LAMC2: variants seen among roughly 807,000 people sequenced by gnomAD.
LAMC2 encodes laminin subunit gamma 2, also known as laminin subunit gamma-2.
Under a neutral mutation model 140.2 loss-of-function variants are expected in LAMC2, and 97 were observed. The ratio of observed to expected loss-of-function variants is 0.69; its 90% CI spans 0.59 to 0.82. The LOEUF (loss-of-function observed/expected upper bound fraction) is 0.82, where lower values mean the gene tolerates loss of function less well. LAMC2 is among the 40% of genes least tolerant of loss of function. The probability of loss-of-function intolerance (pLI) is 0.00; values close to 1 mark genes in which losing one functional copy is unlikely to be tolerated. For synonymous variants in LAMC2, 513 were observed against 540.2 expected (o/e 0.95, Z 0.70); for missense variants, 1,402 against 1,476.1 (o/e 0.95, Z 0.82).
In LAMC2 at chr1:183,239,513, G is replaced by A. The variant is rs1660065662; in HGVS notation, c.3019G>A (p.Ala1007Thr). 3.1e-6 allele frequency: 5 copies of A among 1,613,270 alleles called. No homozygotes were observed. The highest frequency in any genetic ancestry group is 1.3e-5 in the African/African-American group (1 of 74,850). ...LGSAAADAQR[A>T]KNGAGEALEI... ...GAGCGCTGCTGCTGATGCACAGAGG[G>A]CAAAGAATGGGGCCGGGGAGGCCCT... The change falls in exon 20 of 23, where the codon GCA (alanine) becomes ACA (threonine). Residue 1007 changes from alanine (A) to threonine (T), a missense_variant. Around this residue, in one of 3 missense-constraint regions of LAMC2, gnomAD observed 670 missense variants for 667.2 expected, o/e 1.00. Transcript: ENST00000264144.
chr1:183,210,290 T>G (rs896266758), intron 2 of LAMC2, among the ~76,000 whole-genome samples: 2 of 152,164 alleles, frequency 1.3e-5, no homozygotes, highest in African/African-American at 4.8e-5. Context: ...ACCATCATCA[T>G]TAGGTCACTC....
intron 1 of LAMC2, among the ~76,000 whole-genome samples, chr1:183,199,955 C>T (rs1488480809): frequency 6.6e-6 from 1 of 152,216 alleles, no homozygotes; most frequent in Non-Finnish European, 1.5e-5. Context: ...GGGGCCACAT[C>T]TGCTGAGTTT....
chr1:183,210,352 G>A (rs1050239460), intron 2 of LAMC2, among the ~76,000 whole-genome samples: 1 of 152,184 alleles, frequency 6.6e-6, no homozygotes, highest in Non-Finnish European at 1.5e-5. Context: ...CTGTTAAAGA[G>A]TGTTCATGAT....
chr1:183,238,736 A>C (rs1300395601), intron 19 of LAMC2, among the ~76,000 whole-genome samples: 1 of 152,246 alleles, frequency 6.6e-6, no homozygotes, highest in Non-Finnish European at 1.5e-5. Context: ...ACGAGGTTAA[A>C]CTATGTGTTC....
At chr1:183,193,086 C>T (rs377283764) in intron 1 of LAMC2, among the ~76,000 whole-genome samples, 22 of 152,302 alleles carry the variant, frequency 1.4e-4, no homozygotes, top group East Asian at 1.3e-3. Context: ...CTAATGAAGA[C>T]ATCTATCTCG....
intron 1 of LAMC2, among the ~76,000 whole-genome samples, chr1:183,193,607 C>G (rs1178193970): frequency 6.6e-6 from 1 of 152,108 alleles, no homozygotes; most frequent in Non-Finnish European, 1.5e-5. Flanking sequence ...GTTTTTCATC[C>G]CAAATAGCCT....
Position 183,200,801 on chromosome 1 carries a change from G to A in LAMC2, c.80-7080G>A, listed in dbSNP as rs373979573. Among the ~76,000 whole-genome samples the A allele has an allele frequency of 2.6e-5, 4 of 152,104 alleles. No homozygotes were observed. The South Asian group carries it at 8.3e-4, about 32-fold the overall frequency. On this transcript the variant is annotated intron_variant, in intron 1 of 22. Coordinates refer to ENST00000264144, the MANE Select transcript of LAMC2 (RefSeq NM_005562.3). ...TCTCTGGGTGAGTGTGGGTGGTAGTGGGCAGTCCAGCCTGTGTCTGGCTGC... is the reference window on the plus strand; with the variant it reads ...TCTCTGGGTGAGTGTGGGTGGTAGTAGGCAGTCCAGCCTGTGTCTGGCTGC...
intron 9 of LAMC2, 24 bp from the exon 10 acceptor site, chr1:183,227,491 C>T: frequency 1.9e-6 from 3 of 1,605,418 alleles, no homozygotes; most frequent in Non-Finnish European, 2.6e-6. Context: ...CTTCTCTGCC[C>T]CTCCACTCTT....
chr1:183,221,990 A>G, intron 5 of LAMC2, 99 bp from the exon 6 acceptor site: 1 of 1,437,138 alleles, frequency 7.0e-7, no homozygotes, highest in South Asian at 1.1e-5. Context: ...CCCACTTTCT[A>G]CTCACCACTA....
At chr1:183,204,054 C>G (rs615301) in intron 1 of LAMC2, among the ~76,000 whole-genome samples, 51,033 of 152,012 alleles carry the variant, frequency 0.34, 9,131 homozygotes, top group Middle Eastern at 0.4. Context: ...CTTTGGGAGG[C>G]TGAGGTGGGA....
chr1:183,208,304 G>C (rs1658963091), intron 2 of LAMC2, among the ~76,000 whole-genome samples: 1 of 152,134 alleles, frequency 6.6e-6, no homozygotes, highest in African/African-American at 2.4e-5. Context: ...CTTAAGTAGG[G>C]GTTGGTGGAA....
intron 20 of LAMC2, 87 bp downstream of exon 20, chr1:183,239,650 A>G: frequency 8.3e-7 from 1 of 1,201,028 alleles, no homozygotes; most frequent in South Asian, 1.4e-5. Flanking sequence ...AGCTTATTTT[A>G]ACCTCTGAGG....
chr1:183,247,631 A>G (rs1354077578), downstream of LAMC2, among the ~76,000 whole-genome samples: 2 of 152,234 alleles, frequency 1.3e-5, no homozygotes, highest in Non-Finnish European at 2.9e-5. Flanking sequence ...TAATCCTTCA[A>G]TGAGCCAGCC....
At chr1:183,200,446 T>C (rs1472076336) in intron 1 of LAMC2, among the ~76,000 whole-genome samples, 1 of 152,068 alleles carries the variant, frequency 6.6e-6, no homozygotes, top group African/African-American at 2.4e-5. Context: ...ATCATATGTA[T>C]GCCAAGTGAT....
Position 183,228,366 on chromosome 1 carries a change from C to T in LAMC2, c.1469-8C>T. The T allele has an allele frequency of 6.2e-7, 1 of 1,614,134 alleles. No homozygotes were observed. The highest frequency in any genetic ancestry group is 8.5e-7 in the Non-Finnish European group (1 of 1,180,028). On this transcript the variant is annotated splice_polypyrimidine_tract_variant and splice_region_variant and intron_variant, in intron 10 of 22. Transcript: ENST00000264144. This position sits in a 1 kb window ranked among gnomAD's most constrained non-coding sequence, Gnocchi z 4.3. ...TCGACCTAGGCTTGGTCATTTGTTCCTTCCCAGGTGCCCGCTGTGAGCTCT... is the reference window on the plus strand; with the variant it reads ...TCGACCTAGGCTTGGTCATTTGTTCTTTCCCAGGTGCCCGCTGTGAGCTCT...
Position 183,242,260 on chromosome 1 carries a change from G to A in LAMC2, c.3329-887G>A, listed in dbSNP as rs541596182. On this transcript the variant is annotated intron_variant, in intron 22 of 22. Coordinates refer to ENST00000264144, the MANE Select transcript of LAMC2 (RefSeq NM_005562.3). Reference sequence around the variant, plus strand: ...ATTCCTAAATTCTCCCTGACCCCAAGTGAAAGATCCATTTGGATCAACATT... The same window carrying A: ...ATTCCTAAATTCTCCCTGACCCCAAATGAAAGATCCATTTGGATCAACATT... Among the ~76,000 whole-genome samples the A allele has an allele frequency of 3.9e-5, 6 of 152,302 alleles. 1 individual carries two copies. The South Asian group carries it at 1.2e-3, about 32-fold the overall frequency.
intron 13 of LAMC2, 138 bp downstream of exon 13, chr1:183,232,481 G>A (rs1234032676): frequency 8.9e-7 from 1 of 1,127,568 alleles, no homozygotes; most frequent in Non-Finnish European, 1.3e-6. Context: ...TGGAAGGACT[G>A]TCTGTGGCAT....
intron 11 of LAMC2, 136 bp from the exon 12 acceptor site, chr1:183,230,825 C>T: frequency 1.0e-6 from 1 of 971,190 alleles, no homozygotes; most frequent in Non-Finnish European, 1.6e-6. Context: ...TAAGACCTAT[C>T]TGTATTAAGA....
chr1:183,244,861 T>C lies in LAMC2; in HGVS notation c.*1461T>C, dbSNP rs1441648067. Reference sequence around the variant, plus strand: ...TGCCTTGCTTCTGTATTTCCTTGGATTTTCCTGAAAGTGTTTTTAAATAAA... The same window carrying C: ...TGCCTTGCTTCTGTATTTCCTTGGACTTTCCTGAAAGTGTTTTTAAATAAA... On this transcript the variant is annotated 3_prime_UTR_variant, in exon 23 of 23. Transcript: ENST00000264144. 6.6e-6 allele frequency: 1 copy of C among 152,568 alleles called. No individual in the cohort carries two copies. Among genetic ancestry groups the C allele is most frequent in the Non-Finnish European group, 1.5e-5 (1 of 68,046 alleles). The allele number at this position is 152,568 out of a possible 1,614,324, so 9.5% of individuals were successfully genotyped here.
Sources: allele counts gnomAD v4.1 joint callset (sites outside exome capture counted in the v4.1 genomes callset), GRCh38; gene constraint gnomAD v4.1.1; regional missense constraint gnomAD v4.1.1; non-coding constraint Gnocchi (gnomAD v3.1); transcripts MANE v1.5; gene names NCBI Gene and HGNC (gene_info 2026-07-23, HGNC 2026-07-21).